Variants in MACF1 observed in about 807,000 individuals in gnomAD.
MACF1 encodes the protein microtubule actin crosslinking factor 1.
A neutral mutation model predicts 854.8 loss-of-function variants in MACF1; 193 were observed. The ratio of observed to expected loss-of-function variants is 0.23; its 90% CI spans 0.20 to 0.25. MACF1 has a LOEUF of 0.25. Among genes scored for constraint, MACF1 ranks in the 10% least tolerant of loss-of-function variants. MACF1 has a pLI of 1.00. For missense variants in MACF1, 7,722 were observed against 8,929.1 expected (o/e 0.86, Z 5.45); for synonymous variants, 3,185 against 3,226.7 (o/e 0.99, Z 0.44).
At chr1:39,407,131 C>A (rs569557691) in intron 58 of MACF1, among the ~76,000 whole-genome samples, 2 of 152,322 alleles carry the variant, frequency 1.3e-5, no homozygotes, top group Non-Finnish European at 2.9e-5. Context: ...GCTTGAATTT[C>A]TGCTCAAACA....
At chr1:39,317,438 T>G (rs763166295) in intron 29 of MACF1, 31 bp downstream of exon 29, 2 of 1,604,224 alleles carry the variant, frequency 1.2e-6, no homozygotes, top group East Asian at 4.5e-5. Flanking sequence ...TTTCTCCTAT[T>G]AGAGTTCAGG....
intron 6 of MACF1, among the ~76,000 whole-genome samples, chr1:39,265,769 T>C (rs1433492920): frequency 2.6e-5 from 4 of 152,220 alleles, no homozygotes; most frequent in Non-Finnish European, 2.9e-5. Context: ...AGGGACCATC[T>C]ATATCTTAGG....
intron 6 of MACF1, among the ~76,000 whole-genome samples, chr1:39,266,715 G>A (rs1377536357): frequency 1.3e-5 from 2 of 150,318 alleles, no homozygotes; most frequent in African/African-American, 4.9e-5. Context: ...GTGTGGCCTG[G>A]ATCCTTTTGT....
chr1:39,395,380 T>C (rs190691750), intron 58 of MACF1, among the ~76,000 whole-genome samples: 1 of 152,324 alleles, frequency 6.6e-6, no homozygotes, highest in Non-Finnish European at 1.5e-5. Context: ...AATCTGATTA[T>C]GACTGTGTGT....
intron 2 of MACF1, among the ~76,000 whole-genome samples, chr1:39,163,359 A>C (rs936294152): frequency 5.4e-4 from 79 of 146,470 alleles, no homozygotes; most frequent in African/African-American, 1.9e-3. Context: ...AAAAAAAAAA[A>C]AGAAAAGAAA....
At chr1:39,265,975 G>A (rs1178906401) in intron 6 of MACF1, among the ~76,000 whole-genome samples, 2 of 152,174 alleles carry the variant, frequency 1.3e-5, no homozygotes, top group Non-Finnish European at 2.9e-5. Flanking sequence ...TAATAAACTA[G>A]TTAGGTTACT....
At chr1:39,107,634 C>A (rs1271441233) in intron 2 of MACF1, among the ~76,000 whole-genome samples, 5 of 152,122 alleles carry the variant, frequency 3.3e-5, no homozygotes, top group Non-Finnish European at 7.3e-5. Flanking sequence ...ACTTAGAAAT[C>A]CCCGTACTAC....
intron 2 of MACF1, among the ~76,000 whole-genome samples, chr1:39,144,803 A>G (rs1218358955): frequency 6.6e-6 from 1 of 152,102 alleles, no homozygotes; most frequent in Non-Finnish European, 1.5e-5. Flanking sequence ...TTTTGGTCTT[A>G]CAGATGACTA....
intron 20 of MACF1, among the ~76,000 whole-genome samples, chr1:39,296,751 A>AAAGAAAGGAAGGAAGGAAGGAAGG (rs1362049025): frequency 1.1e-5 from 1 of 93,648 alleles, no homozygotes; most frequent in African/African-American, 4.5e-5. Flanking sequence ...AGAAAGAAAG[A>AAAGAAAGGAAGGAAGGAAGGAAGG]AAGGAAGGAA....
At position 39,333,355 on chromosome 1, in the gene MACF1, T is replaced by C. The variant is rs1490206605; in HGVS notation, c.6767T>C (p.Met2256Thr). Residue 2256 changes from methionine (M) to threonine (T), a missense_variant, in exon 37 of 101, where the codon ATG becomes ACG. By Grantham distance (81) the Met-to-Thr change is moderately conservative (BLOSUM62 -1). This residue lies in a region of MACF1 where 1,531 missense variants were observed against 1,601.6 expected (regional missense o/e 0.96). Transcript: ENST00000564288. ...AQNIAGGSMM[M>T]SEKTDEEDSG... ...AACATCGCAGGTGGTAGTATGATGA[T>C]GTCAGAAAAGACCGATGAGGAAGAT... The C allele has an allele frequency of 1.2e-6, 2 of 1,614,022 alleles. No individual in the cohort carries two copies. Among genetic ancestry groups the C allele is most frequent in the Non-Finnish European group, 8.5e-7 (1 of 1,180,022 alleles).
intron 51 of MACF1, among the ~76,000 whole-genome samples, chr1:39,371,528 A>G (rs968561600): frequency 6.6e-6 from 1 of 152,128 alleles, no homozygotes; most frequent in South Asian, 2.1e-4. Context: ...AAGGAGTAAA[A>G]TCCTACAACT....
In MACF1 at chr1:39,434,432, A is replaced by C. The variant is rs1643929509; in HGVS notation, c.17584A>C (p.Ile5862Leu). ...TVLQEKTESLIQQYEAISLLN... is the reference protein window; with the variant it reads ...TVLQEKTESLLQQYEAISLLN... ...CACATAGGAAAAGACAGAGTCTCTAATACAGCAATATGAAGCCATTAGCCT... is the reference window on the plus strand; with the variant it reads ...CACATAGGAAAAGACAGAGTCTCTACTACAGCAATATGAAGCCATTAGCCT... Residue 5862 changes from isoleucine (I) to leucine (L), a missense_variant, in exon 69 of 101, where the codon ATA becomes CTA. Ile to Leu is a conservative substitution (Grantham distance 5). Coordinates refer to ENST00000564288, the MANE Select transcript of MACF1 (RefSeq NM_001394062.1). 6.2e-7 allele frequency: 1 copy of C among 1,607,192 alleles called. No homozygotes were observed. Among genetic ancestry groups the C allele is most frequent in the African/African-American group, 1.4e-5 (1 of 73,562 alleles).
At chr1:39,218,208 TCC>T (rs1644602647) in intron 1 of MACF1, among the ~76,000 whole-genome samples, 1 of 146,404 alleles carries the variant, frequency 6.8e-6, no homozygotes. Context: ...AAAAAAAGCT[TCC>T]CAGATGATTT....
In MACF1 at chr1:39,332,241, C is replaced by T. The variant is rs1571348152; in HGVS notation, c.5653C>T (p.His1885Tyr). 1.9e-6 allele frequency: 3 copies of T among 1,613,752 alleles called. No homozygotes were observed. In the African/African-American group the frequency reaches 4.0e-5, roughly 22 times the overall value. Residue 1885 changes from histidine (H) to tyrosine (Y), a missense_variant, in exon 37 of 101, where the codon CAT becomes TAT. Physicochemically the swap from His to Tyr is moderately conservative, Grantham distance 83 (BLOSUM62 2). Around this residue, in one of 15 missense-constraint regions of MACF1, gnomAD observed 1,531 missense variants for 1,601.6 expected, o/e 0.96. Transcript: ENST00000564288. ...LAHKILSNRQHIKALFLPATT... is the reference protein window; with the variant it reads ...LAHKILSNRQYIKALFLPATT... ...ACATAAAATCCTTAGTAACCGACAG[C>T]ATATTAAGGCTCTGTTTCTACCAGC...
At chr1:39,205,669 C>T (rs1644441719) in intron 1 of MACF1, among the ~76,000 whole-genome samples, 2 of 152,062 alleles carry the variant, frequency 1.3e-5, no homozygotes, top group South Asian at 4.1e-4. Flanking sequence ...CACTGGGTGT[C>T]TGTGTTCTCT....
chr1:39,372,557 A>T lies in MACF1; in HGVS notation c.13174A>T (p.Ile4392Phe). The change falls in exon 52 of 101, where the codon ATC becomes TTC. Residue 4392 changes from isoleucine to phenylalanine, a missense_variant. This residue lies in a region of MACF1 where 2,807 missense variants were observed against 3,235.8 expected (regional missense o/e 0.87). Coordinates refer to ENST00000564288, the MANE Select transcript of MACF1 (RefSeq NM_001394062.1). ...NCKGTSLENL[I>F]MEITAPDSQG... is the part of the protein sequence containing the mutation. ...CAAAGGTACTTCTTTAGAAAATCTC[A>T]TCATGGAAATCACAGCACCTGATTC... 6.2e-7 allele frequency: 1 copy of T among 1,611,894 alleles called. No homozygotes were observed. Among genetic ancestry groups the T allele is most frequent in the East Asian group, 2.2e-5 (1 of 44,824 alleles).
At chr1:39,417,529 A>T (rs1463492692) in intron 58 of MACF1, among the ~76,000 whole-genome samples, 4 of 151,362 alleles carry the variant, frequency 2.6e-5, no homozygotes, top group Non-Finnish European at 4.4e-5. Flanking sequence ...GGATTCATTC[A>T]TTCATGGAAC....
chr1:39,464,997 G>A, intron 94 of MACF1, 98 bp from the exon 95 acceptor site: 1 of 1,062,000 alleles, frequency 9.4e-7, no homozygotes, highest in Non-Finnish European at 1.5e-6. Flanking sequence ...CCAGAAAAAT[G>A]TAATGATATG....
chr1:39,281,956 T>C (rs967898278), intron 6 of MACF1, among the ~76,000 whole-genome samples: 5 of 152,194 alleles, frequency 3.3e-5, no homozygotes, highest in African/African-American at 7.2e-5. Context: ...CAGTTGTAGA[T>C]CTTCTCTCCA....
Sources: gnomAD v4.1 joint callset for allele counts (sites outside exome capture counted in the v4.1 genomes callset) on GRCh38, gnomAD v4.1.1 for gene constraint, gnomAD v4.1.1 regional missense constraint, MANE v1.5 for transcripts, NCBI Gene and HGNC (gene_info 2026-07-23, HGNC 2026-07-21) for gene names.